Variants in NRG1 observed in about 807,000 individuals in gnomAD.
NRG1 encodes the protein neuregulin 1, also known as pro-neuregulin-1, membrane-bound isoform.
NRG1 carries 18 observed loss-of-function variants against 63.8 expected under a neutral mutation model. The observed-to-expected ratio is 0.28, with a 90% CI of 0.19 to 0.42. The LOEUF (loss-of-function observed/expected upper bound fraction) is 0.42, where lower values mean the gene tolerates loss of function less well. Among genes scored for constraint, NRG1 ranks in the 10% least tolerant of loss-of-function variants. NRG1 has a pLI of 1.00. For missense variants in NRG1, 762 were observed against 814.7 expected, an observed-to-expected ratio of 0.94 and a Z score of 0.79; for synonymous variants, 302 against 301.3, an observed-to-expected ratio of 1.00 and a Z score of -0.02.
chr8:32,311,749 C>T (rs975579089), intron 1 of NRG1, among the ~76,000 whole-genome samples: 3 of 152,150 alleles, frequency 2.0e-5, no homozygotes, highest in East Asian at 1.9e-4. Context: ...TAGCACAATG[C>T]CTGCCTCTGT....
At chr8:31,963,936 C>A (rs1356420791) in intron 1 of NRG1, among the ~76,000 whole-genome samples, 2 of 152,070 alleles carry the variant, frequency 1.3e-5, no homozygotes, top group Non-Finnish European at 2.9e-5. Flanking sequence ...CAAGTTTGAT[C>A]CTGTTGGTAA....
intron 1 of NRG1, among the ~76,000 whole-genome samples, chr8:32,430,658 AT>A (rs1271799487): frequency 6.6e-6 from 1 of 152,178 alleles, no homozygotes; most frequent in Non-Finnish European, 1.5e-5. Flanking sequence ...TGTCTAAATG[AT>A]GATTAAATGG....
chr8:31,649,947 G>A (rs1334598371), intron 1 of NRG1, among the ~76,000 whole-genome samples: 1 of 151,990 alleles, frequency 6.6e-6, no homozygotes. Flanking sequence ...TAATCAGTAC[G>A]CACCAGAGGC....
chr8:32,029,952 A>C (rs1211972626), intron 1 of NRG1, among the ~76,000 whole-genome samples: 1 of 151,948 alleles, frequency 6.6e-6, no homozygotes, highest in African/African-American at 2.4e-5. Context: ...GACTCTAAAT[A>C]TTTTTCTTTT....
rs1828287547 is a variant in NRG1, at chr8:32,749,648, T to C, written c.692-4724T>C. On this transcript the variant is annotated intron_variant, in intron 7 of 11. Coordinates refer to ENST00000356819, the Ensembl canonical transcript of NRG1. ...TAGAGCCTATGAGCTGAAATCTTTT[T>C]CCCTTCCTACTCTTACCTTTCAGTT... 2.0e-6 allele frequency: 3 copies of C among 1,527,662 alleles called. No homozygotes were observed. In the South Asian group the frequency reaches 3.5e-5, roughly 18 times the overall value. 94.6% of individuals were successfully genotyped at this position (1,527,662 alleles called of 1,614,324 possible).
intron 1 of NRG1, among the ~76,000 whole-genome samples, chr8:32,079,148 T>TACACAC (rs143380574): frequency 0.17 from 25,182 of 145,656 alleles, 2,193 homozygotes; most frequent in African/African-American, 0.23. Context: ...TAGAATGAAA[T>TACACAC]ACACACACAC....
intron 1 of NRG1, among the ~76,000 whole-genome samples, chr8:32,509,968 A>G (rs1439637150): frequency 6.6e-6 from 1 of 152,078 alleles, no homozygotes. Flanking sequence ...GCCTGTGAAA[A>G]TCTAGTTTTT....
intron 1 of NRG1, among the ~76,000 whole-genome samples, chr8:32,176,309 C>A (rs1190369253): frequency 1.3e-5 from 2 of 152,128 alleles, no homozygotes; most frequent in Non-Finnish European, 2.9e-5. Flanking sequence ...CTTCCTTATA[C>A]CTTATACAAA....
intron 1 of NRG1, among the ~76,000 whole-genome samples, chr8:32,105,683 C>T (rs1350727031): frequency 6.6e-6 from 1 of 151,996 alleles, no homozygotes; most frequent in Admixed American, 6.6e-5. Context: ...GCAGTCAAGC[C>T]TATCCTGTGG....
chr8:32,240,315 T>C (rs1376311219), intron 1 of NRG1, among the ~76,000 whole-genome samples: 1 of 152,168 alleles, frequency 6.6e-6, no homozygotes, highest in African/African-American at 2.4e-5. Flanking sequence ...AAAGATTTCA[T>C]GTGATGTGAT....
At chr8:32,587,951 C>T (rs891915090) in intron 1 of NRG1, among the ~76,000 whole-genome samples, 8 of 145,030 alleles carry the variant, frequency 5.5e-5, no homozygotes, top group African/African-American at 1.2e-4. Flanking sequence ...TTTTTTGAGA[C>T]GGACTCTTGC....
At chr8:31,747,957 G>A (rs1816058680) in intron 1 of NRG1, among the ~76,000 whole-genome samples, 1 of 151,960 alleles carries the variant, frequency 6.6e-6, no homozygotes, top group South Asian at 2.1e-4. Flanking sequence ...AGATTATCCA[G>A]TAGTCTTTGG....
rs149641683 is a variant in NRG1, at chr8:31,654,732, G to A, written c.37+15301G>A. 3.2e-3 allele frequency among the ~76,000 whole-genome samples: 494 copies of A among 152,322 alleles called. 3 individuals carry two copies. The highest frequency in any genetic ancestry group is 5.8e-3 in the Non-Finnish European group (393 of 68,040). ...GCAGGAGAATCGCCTGAGGCCAGGAGTCTGAGACCAGCTTGGGAAACATAG... is the reference window on the plus strand; with the variant it reads ...GCAGGAGAATCGCCTGAGGCCAGGAATCTGAGACCAGCTTGGGAAACATAG... On this transcript the variant is annotated intron_variant, in intron 1 of 10. Coordinates refer to the NRG1 transcript ENST00000519301.
intron 1 of NRG1, among the ~76,000 whole-genome samples, chr8:32,001,783 A>C (rs1300676166): frequency 6.6e-6 from 1 of 152,034 alleles, no homozygotes; most frequent in Non-Finnish European, 1.5e-5. Context: ...AAGGAAGTTC[A>C]CAGAGGTAAA....
chr8:32,704,561 T>A (rs1461053440), intron 5 of NRG1, among the ~76,000 whole-genome samples: 1 of 152,192 alleles, frequency 6.6e-6, no homozygotes, highest in East Asian at 1.9e-4. Flanking sequence ...AAAATCTGTA[T>A]GAAAAAGCAA....
chr8:31,676,193 CA>C (rs889631987), intron 1 of NRG1, among the ~76,000 whole-genome samples: 3 of 152,136 alleles, frequency 2.0e-5, no homozygotes, highest in Admixed American at 2.0e-4. Context: ...AGATCCTGAG[CA>C]TGGGAACAGC....
rs117631188 is a variant in NRG1, at chr8:31,991,941, T to C, written c.37+352510T>C. ...TAATACCTTTCCCTGTAGAACCTGA[T>C]AGAAAATAAAGCATAAAATTTAAAG... is the stretch of plus-strand genomic sequence containing the variant. On this transcript the variant is annotated intron_variant, in intron 1 of 10. Transcript: ENST00000519301. 8.5e-3 allele frequency among the ~76,000 whole-genome samples: 1,287 copies of C among 152,032 alleles called. 11 individuals carry two copies. Among genetic ancestry groups the C allele is most frequent in the Non-Finnish European group, 0.014 (958 of 67,948 alleles).
intron 1 of NRG1, among the ~76,000 whole-genome samples, chr8:31,928,068 C>A (rs1255557493): frequency 6.7e-6 from 1 of 149,908 alleles, no homozygotes; most frequent in Non-Finnish European, 1.5e-5. Context: ...ATGAAAGCTC[C>A]TTTTTAATGT....
intron 1 of NRG1, among the ~76,000 whole-genome samples, chr8:31,716,591 T>G (rs1020764584): frequency 2.6e-5 from 4 of 152,238 alleles, no homozygotes; most frequent in African/African-American, 9.6e-5. Flanking sequence ...ACTTACAAAT[T>G]CTTTTATCAG....
Sources: gnomAD v4.1 joint callset for allele counts (sites outside exome capture counted in the v4.1 genomes callset) on GRCh38, gnomAD v4.1.1 for gene constraint, MANE v1.5 for transcripts, NCBI Gene and HGNC (gene_info 2026-07-23, HGNC 2026-07-21) for gene names.